SOX5: variants seen among roughly 807,000 people sequenced by gnomAD.
SOX5 encodes the protein transcription factor SOX-5.
SOX5 carries 9 observed loss-of-function variants against 92.0 expected under a neutral mutation model. That is an observed-to-expected ratio of 0.10 (90% CI 0.06 to 0.17). The LOEUF (loss-of-function observed/expected upper bound fraction) is 0.17, where lower values mean the gene tolerates loss of function less well. Among genes scored for constraint, SOX5 ranks in the 10% least tolerant of loss-of-function variants. SOX5 has a pLI of 1.00. For synonymous variants in SOX5, 344 were observed against 336.3 expected (o/e 1.02, Z -0.25); for missense variants, 642 against 944.5 (o/e 0.68, Z 4.20).
chr12:24,452,256 C>A (rs1218953319), intron 1 of SOX5, among the ~76,000 whole-genome samples: 1 of 152,214 alleles, frequency 6.6e-6, no homozygotes, highest in Non-Finnish European at 1.5e-5. Context: ...TGACATACAT[C>A]TCTTCAGAAA....
intron 6 of SOX5, among the ~76,000 whole-genome samples, chr12:23,718,319 C>A (rs1229707131): frequency 6.6e-6 from 1 of 152,108 alleles, no homozygotes; most frequent in Non-Finnish European, 1.5e-5. Flanking sequence ...ATTTAAATAT[C>A]CAAGAATTAT....
chr12:24,256,157 A>C (rs1289476260), intron 3 of SOX5, among the ~76,000 whole-genome samples: 1 of 152,220 alleles, frequency 6.6e-6, no homozygotes, highest in Non-Finnish European at 1.5e-5. Context: ...GAAGCCCGAG[A>C]TGTGTGGCAG....
intron 3 of SOX5, among the ~76,000 whole-genome samples, chr12:24,256,708 T>C (rs1016066559): frequency 1.3e-5 from 2 of 152,208 alleles, no homozygotes; most frequent in African/African-American, 2.4e-5. Context: ...TGCAGAATTA[T>C]AGTTTCTCCC....
chr12:24,531,038 A>T (rs1240047494), intron 1 of SOX5, among the ~76,000 whole-genome samples: 3 of 152,228 alleles, frequency 2.0e-5, no homozygotes, highest in Non-Finnish European at 4.4e-5. Flanking sequence ...CTCTGTACAC[A>T]TGATTGTGTA....
Position 23,642,360 on chromosome 12 carries a change from G to A in SOX5, c.932-1463C>T, listed in dbSNP as rs182754493. On this transcript the variant is annotated intron_variant, in intron 7 of 14. Transcript: ENST00000451604. ...AATATATAATGGCAGTTAAGACAGC[G>A]AAGTACATAATGCTATGGACTGCAC... is the stretch of plus-strand genomic sequence containing the variant. Among the ~76,000 whole-genome samples, 30 of 152,266 alleles carry A rather than the reference G, an allele frequency of 2.0e-4. No homozygotes were observed. The East Asian group carries it at 3.3e-3, about 17-fold the overall frequency.
intron 4 of SOX5, among the ~76,000 whole-genome samples, chr12:24,157,891 C>T (rs1012429541): frequency 2.6e-5 from 4 of 152,004 alleles, no homozygotes; most frequent in Non-Finnish European, 5.9e-5. Flanking sequence ...TTTTACACTT[C>T]CTTTGTCTCT....
chr12:24,224,696 C>G (rs1239774596), intron 3 of SOX5, among the ~76,000 whole-genome samples: 1 of 152,116 alleles, frequency 6.6e-6, no homozygotes, highest in Non-Finnish European at 1.5e-5. Context: ...AATTTCAGAT[C>G]TTGCCTTCTT....
intron 1 of SOX5, among the ~76,000 whole-genome samples, chr12:23,908,015 TC>T (rs1400178545): frequency 6.6e-6 from 1 of 152,120 alleles, no homozygotes; most frequent in Non-Finnish European, 1.5e-5. Flanking sequence ...TCTTGCTCTC[TC>T]CCTCCCATCT....
chr12:24,427,905 C>G (rs1465104130), intron 1 of SOX5, among the ~76,000 whole-genome samples: 1 of 152,110 alleles, frequency 6.6e-6, no homozygotes, highest in East Asian at 1.9e-4. Flanking sequence ...TGCCCTTATA[C>G]CCCCATTCAG....
At chr12:23,725,444 C>T (rs2093059888) in intron 6 of SOX5, among the ~76,000 whole-genome samples, 1 of 152,170 alleles carries the variant, frequency 6.6e-6, no homozygotes, top group Admixed American at 6.6e-5. Flanking sequence ...GACTTATTCA[C>T]TATCATGAGA....
intron 2 of SOX5, among the ~76,000 whole-genome samples, chr12:24,305,294 C>A (rs59929328): frequency 0.013 from 1,911 of 152,218 alleles, 37 homozygotes; most frequent in African/African-American, 0.044. Context: ...TCCTTGAACA[C>A]GCCTAAGTGT....
intron 6 of SOX5, among the ~76,000 whole-genome samples, chr12:23,733,750 A>C (rs529556780): frequency 6.2e-4 from 95 of 152,298 alleles, no homozygotes; most frequent in African/African-American, 2.2e-3. Context: ...ATTTACACTT[A>C]ATAAAATATG....
intron 1 of SOX5, among the ~76,000 whole-genome samples, chr12:24,495,279 G>A (rs1947510946): frequency 6.6e-6 from 1 of 152,146 alleles, no homozygotes; most frequent in South Asian, 2.1e-4. Context: ...GTAAGATATG[G>A]ATCCAGTGTG....
At chr12:24,273,893 TA>T (rs1944095654) in intron 3 of SOX5, among the ~76,000 whole-genome samples, 1 of 152,200 alleles carries the variant, frequency 6.6e-6, no homozygotes, top group African/African-American at 2.4e-5. Context: ...TTGTTTAGTC[TA>T]AAAACTTTCT....
chr12:23,771,141 T>C (rs1361488682), intron 3 of SOX5, among the ~76,000 whole-genome samples: 1 of 146,992 alleles, frequency 6.8e-6, no homozygotes, highest in Non-Finnish European at 1.5e-5. Context: ...GGAGCTTTTA[T>C]ATCAATTTTT....
intron 4 of SOX5, among the ~76,000 whole-genome samples, chr12:23,747,490 C>A (rs971290960): frequency 6.6e-6 from 1 of 152,144 alleles, no homozygotes. Flanking sequence ...TGGTGTGGCC[C>A]TTGCCTTCTT....
intron 1 of SOX5, among the ~76,000 whole-genome samples, chr12:24,447,289 T>C (rs1566186877): frequency 6.6e-6 from 1 of 152,196 alleles, no homozygotes; most frequent in Non-Finnish European, 1.5e-5. Context: ...TATGATGTGA[T>C]GAAAACGGCA....
chr12:24,209,625 T>C (rs1958376795), intron 4 of SOX5, among the ~76,000 whole-genome samples: 4 of 152,186 alleles, frequency 2.6e-5, no homozygotes, highest in Admixed American at 2.6e-4. Context: ...AATTGAAAAC[T>C]GCTGCCACAA....
chr12:24,253,660 C>T (rs539205714), intron 3 of SOX5, among the ~76,000 whole-genome samples: 16 of 152,232 alleles, frequency 1.1e-4, no homozygotes, highest in South Asian at 4.1e-4. Context: ...ATGTGGCGCA[C>T]ATTGTAAAGT....
Sources: gnomAD v4.1 joint callset for allele counts (sites outside exome capture counted in the v4.1 genomes callset) on GRCh38, gnomAD v4.1.1 for gene constraint, MANE v1.5 for transcripts, NCBI Gene and HGNC (gene_info 2026-07-23, HGNC 2026-07-21) for gene names.